Variants in EEF1A2 observed in about 807,000 individuals in gnomAD.
EEF1A2 encodes elongation factor 1-alpha 2.
In EEF1A2, 5 loss-of-function variants were observed where a neutral mutation model predicts 39.3. The ratio of observed to expected loss-of-function variants is 0.13; its 90% CI spans 0.07 to 0.27. The LOEUF is 0.27. Among genes scored for constraint, EEF1A2 ranks in the 10% least tolerant of loss-of-function variants. EEF1A2 has a pLI of 1.00. For synonymous variants in EEF1A2, 287 were observed against 293.7 expected (o/e 0.98, Z 0.23); for missense variants, 218 against 681.4 (o/e 0.32, Z 7.57).
Position 63,494,779 on chromosome 20 carries a change from C to A in EEF1A2, c.621+26G>T, listed in dbSNP as rs760134536. 5 of 1,594,224 alleles carry A rather than the reference C, an allele frequency of 3.1e-6. No homozygotes were observed. In the East Asian group the frequency reaches 1.1e-4, roughly 36 times the overall value. ...CAGGGGGTCCAGCCAGCTCCCGTGG[C>A]CCGCCCCGCCCTAGCCGCCACTCAC... On this transcript the variant is annotated intron_variant, in intron 4 of 7. Coordinates refer to ENST00000217182, the MANE Select transcript of EEF1A2 (RefSeq NM_001958.5).
At chr20:63,490,068 T>TTTTTTTTTTTTTTTTTTTG in intron 6 of EEF1A2, 1 of 66,748 alleles carries the variant, frequency 1.5e-5, no homozygotes, top group African/African-American at 4.9e-5. Context: ...GTCCCTTTTC[T>TTTTTTTTTTTTTTTTTTTG]TTTTTTTTTT....
rs772032548 is a variant in EEF1A2, at chr20:63,495,985, C to T, written c.195G>A (p.Ala65=). The part of the protein sequence containing the change: ...KYAWVLDKLK[A]ERERGITIDI... ...CGATGGTGATGCCGCGCTCACGCTCCGCCTTCAGCTTGTCCAGCACCCAGG... is the reference window on the plus strand; with the variant it reads ...CGATGGTGATGCCGCGCTCACGCTCTGCCTTCAGCTTGTCCAGCACCCAGG... The change falls in exon 3 of 8, where the codon GCG becomes GCA. Residue 65 remains alanine, a synonymous_variant. Coordinates refer to ENST00000217182, the MANE Select transcript of EEF1A2 (RefSeq NM_001958.5). The T allele has an allele frequency of 1.1e-5, 17 of 1,612,928 alleles. No individual in the cohort carries two copies. Among genetic ancestry groups the T allele is most frequent in the South Asian group, 3.3e-5 (3 of 91,090 alleles).
intron 7 of EEF1A2, 30 bp downstream of exon 7, chr20:63,488,888 G>C: frequency 6.2e-7 from 1 of 1,603,274 alleles, no homozygotes; most frequent in Non-Finnish European, 8.5e-7. Flanking sequence ...CAGCCTGGGG[G>C]CTGCACCTCC....
At chr20:63,489,209 C>T (rs988729426) in intron 6 of EEF1A2, 57 bp from the exon 7 acceptor site, 43 of 1,558,158 alleles carry the variant, frequency 2.8e-5, no homozygotes, top group Non-Finnish European at 3.3e-5. Context: ...ACCGGGAGGG[C>T]GCCAGAGCGG....
Position 63,493,838 on chromosome 20 carries a change from G to A in EEF1A2, c.622-551C>T, listed in dbSNP as rs566347977. On this transcript the variant is annotated intron_variant, in intron 4 of 7. Coordinates refer to ENST00000217182, the MANE Select transcript of EEF1A2 (RefSeq NM_001958.5). ...CAAACAGGGAGCAGGGGAGGGGGCC[G>A]GCAGCACAGTGCCCCAGCCCCCCAG... Among the ~76,000 whole-genome samples, 86 of 152,334 alleles carry A rather than the reference G, an allele frequency of 5.6e-4. 1 individual carries two copies. The highest frequency in any genetic ancestry group is 1.9e-3 in the African/African-American group (80 of 41,584).
At chr20:63,492,671 T>TTG (rs2082394698) in intron 5 of EEF1A2, among the ~76,000 whole-genome samples, 1 of 129,578 alleles carries the variant, frequency 7.7e-6, no homozygotes, top group African/African-American at 3.0e-5. Context: ...GATGGATGGA[T>TTG]AGAGAGAAGG....
chr20:63,488,258 C>G lies in EEF1A2; in HGVS notation c.*40G>C. ...GGGCCCGGGCCCGGGGTTCGGAGCGCGGCACCGCCGGGGAGGGTCGCGCCG... is the reference window on the plus strand; with the variant it reads ...GGGCCCGGGCCCGGGGTTCGGAGCGGGGCACCGCCGGGGAGGGTCGCGCCG... On this transcript the variant is annotated 3_prime_UTR_variant, in exon 8 of 8. Transcript: ENST00000217182. 1 of 1,007,514 alleles carries G rather than the reference C, an allele frequency of 9.9e-7. No homozygotes were observed. Among genetic ancestry groups the G allele is most frequent in the East Asian group, 9.6e-5 (1 of 10,388 alleles). The allele number at this position is 1,007,514 out of a possible 1,614,324, so 62.4% of individuals were successfully genotyped here. A position where few individuals can be genotyped will look rare whatever the true frequency, so the allele number is the denominator to read the frequency against.
Position 63,494,833 on chromosome 20 carries a change from C to T in EEF1A2, c.593G>A (p.Gly198Asp). Residue 198 changes from glycine to aspartate, a missense_variant, in exon 4 of 8, where the codon GGT (glycine) becomes GAT (aspartate). Around this residue, in one of 4 missense-constraint regions of EEF1A2, gnomAD observed 79 missense variants for 172.3 expected, o/e 0.46. Coordinates refer to ENST00000217182, the MANE Select transcript of EEF1A2 (RefSeq NM_001958.5). ...VPFVPISGWHGDNMLEPSPNM... is the reference protein window; with the variant it reads ...VPFVPISGWHDDNMLEPSPNM... ...GGGGGAGGGCTCCAGCATGTTGTCA[C>T]CGTGCCAGCCGGAGATGGGCACAAA... 1 of 1,612,044 alleles carries T rather than the reference C, an allele frequency of 6.2e-7. No individual in the cohort carries two copies. Among genetic ancestry groups the T allele is most frequent in the Non-Finnish European group, 8.5e-7 (1 of 1,179,536 alleles).
At chr20:63,495,825 C>G in intron 3 of EEF1A2, 31 bp downstream of exon 3, 1 of 1,608,176 alleles carries the variant, frequency 6.2e-7, no homozygotes, top group Admixed American at 1.7e-5. Context: ...AGCGGCCTCT[C>G]CCCCAGCCCC....
At chr20:63,488,518 G>C (rs934569180) in intron 7 of EEF1A2, 93 bp from the exon 8 acceptor site, 1 of 1,304,844 alleles carries the variant, frequency 7.7e-7, no homozygotes, top group African/African-American at 1.6e-5. Context: ...AACCGCGTCG[G>C]GAATGTCCTC....
intron 2 of EEF1A2, chr20:63,496,347 CG>C: frequency 2.7e-6 from 1 of 370,038 alleles, no homozygotes; most frequent in East Asian, 5.2e-5. Context: ...AAACCCCTCC[CG>C]GGCGAGGGCT....
chr20:63,490,874 C>T (rs1600903804), intron 5 of EEF1A2, 139 bp from the exon 6 acceptor site: 10 of 1,033,468 alleles, frequency 9.7e-6, no homozygotes, highest in East Asian at 5.3e-5. Flanking sequence ...GCCACATGGG[C>T]GGAGTGCAGG....
chr20:63,496,224 C>A, intron 2 of EEF1A2, 189 bp from the exon 3 acceptor site: 4 of 671,340 alleles, frequency 6.0e-6, no homozygotes, highest in East Asian at 5.6e-5. Flanking sequence ...CCCTGCCCCC[C>A]AGGGCCGGCC....
rs527362859 is a variant in EEF1A2 at position 63,494,642 on chromosome 20, C to T, written c.621+163G>A. On this transcript the variant is annotated intron_variant, in intron 4 of 7. Coordinates refer to ENST00000217182, the MANE Select transcript of EEF1A2 (RefSeq NM_001958.5). ...CGGTGCTGAGGGGCATGGGGCTCCC[C>T]GCCGGGCCCTGAGCCAGTTAGGGAA... 9.2e-4 allele frequency among the ~76,000 whole-genome samples: 140 copies of T among 152,340 alleles called. 1 individual carries two copies. The highest frequency in any genetic ancestry group is 3.2e-3 in the African/African-American group (131 of 41,582).
At chr20:63,494,323 C>T (rs987942676) in intron 4 of EEF1A2, among the ~76,000 whole-genome samples, 1 of 152,254 alleles carries the variant, frequency 6.6e-6, no homozygotes, top group African/African-American at 2.4e-5. Flanking sequence ...AGAGCCAACC[C>T]TTGGCCATCC....
intron 4 of EEF1A2, 127 bp downstream of exon 4, chr20:63,494,678 T>C: frequency 7.5e-7 from 1 of 1,329,448 alleles, no homozygotes; most frequent in Non-Finnish European, 1.0e-6. Context: ...ACCCAGCAGG[T>C]TTCGAGGGGA....
At position 63,495,883 on chromosome 20, in the gene EEF1A2, G is replaced by C. The variant is rs2145945417; in HGVS notation, c.297C>G (p.Ile99Met). 6.2e-7 allele frequency: 1 copy of C among 1,613,246 alleles called. No individual in the cohort carries two copies. The highest frequency in any genetic ancestry group is 8.5e-7 in the Non-Finnish European group (1 of 1,179,880). The change falls in exon 3 of 8, where the codon ATC (isoleucine) becomes ATG (methionine). Residue 99 changes from isoleucine (I) to methionine (M), a missense_variant. Physicochemically the swap from Ile to Met is conservative, Grantham distance 10. Around this residue, in one of 4 missense-constraint regions of EEF1A2, gnomAD observed 28 missense variants for 156.2 expected, o/e 0.18. Coordinates refer to ENST00000217182, the MANE Select transcript of EEF1A2 (RefSeq NM_001958.5). ...GGGATGTACCCGTGATCATGTTCTT[G>C]ATGAAGTCGCGGTGGCCGGGGGCAT... ...IIDAPGHRDFIKNMITGTSQA... is the reference protein window; with the variant it reads ...IIDAPGHRDFMKNMITGTSQA...
Position 63,488,349 on chromosome 20 carries a change from G to T in EEF1A2, c.1341C>A (p.Gly447=). 3 of 1,468,110 alleles carry T rather than the reference G, an allele frequency of 2.0e-6. No homozygotes were observed. Among genetic ancestry groups the T allele is most frequent in the East Asian group, 3.0e-5 (1 of 32,868 alleles). The allele number at this position is 1,468,110 out of a possible 1,614,324, so 90.9% of individuals were successfully genotyped here. A position where few individuals can be genotyped will look rare whatever the true frequency, so the allele number is the denominator to read the frequency against. Reference sequence around the variant, plus strand: ...GCGCCGACTTGGTGACCTTGCCGGCGCCGCCGCTCTTCTTCTCCACGTTCT... The same window carrying T: ...GCGCCGACTTGGTGACCTTGCCGGCTCCGCCGCTCTTCTTCTCCACGTTCT... ...VIKNVEKKSG[G]AGKVTKSAQK... is the part of the protein sequence containing the mutation. Residue 447 remains glycine, a synonymous_variant, in exon 8 of 8, where the codon GGC becomes GGA. Coordinates refer to ENST00000217182, the MANE Select transcript of EEF1A2 (RefSeq NM_001958.5).
rs1490367198 is a variant in EEF1A2 at position 63,488,418 on chromosome 20, G to A, written c.1272C>T (p.Phe424=). The part of the protein sequence containing the change: ...SFSQYPPLGR[F]AVRDMRQTVA... ...CCGTCTGCCTCATGTCGCGCACGGCGAAGCGGCCTGGGGGGCGGGGGGCGG... is the reference window on the plus strand; with the variant it reads ...CCGTCTGCCTCATGTCGCGCACGGCAAAGCGGCCTGGGGGGCGGGGGGCGG... Residue 424 remains phenylalanine (F), a synonymous_variant, in exon 8 of 8, where the codon TTC becomes TTT. Coordinates refer to ENST00000217182, the MANE Select transcript of EEF1A2 (RefSeq NM_001958.5). 5.5e-6 allele frequency: 8 copies of A among 1,460,598 alleles called. No homozygotes were observed. The highest frequency in any genetic ancestry group is 5.0e-5 in the Admixed American group (2 of 39,844). 90.5% of individuals were successfully genotyped at this position (1,460,598 alleles called of 1,614,324 possible).
Sources: allele counts gnomAD v4.1 joint callset (sites outside exome capture counted in the v4.1 genomes callset), GRCh38; gene constraint gnomAD v4.1.1; regional missense constraint gnomAD v4.1.1; transcripts MANE v1.5; gene names NCBI Gene and HGNC (gene_info 2026-07-23, HGNC 2026-07-21).